The following RSF1 variants were observed in gnomAD, a reference collection of about 807,000 sequenced individuals.
The protein encoded by RSF1 is remodeling and spacing factor 1.
RSF1 carries 13 observed loss-of-function variants against 145.2 expected under a neutral mutation model. The ratio of observed to expected loss-of-function variants is 0.09; its 90% CI spans 0.06 to 0.14. The LOEUF (loss-of-function observed/expected upper bound fraction) is 0.14. Among genes scored for constraint, RSF1 ranks in the 10% least tolerant of loss-of-function variants. RSF1 has a pLI of 1.00. For synonymous variants in RSF1, 577 were observed against 592.6 expected (o/e 0.97, Z 0.38); for missense variants, 1,517 against 1,718.2 (o/e 0.88, Z 2.07).
At chr11:77,743,846 G>A (rs917071317) in intron 3 of RSF1, among the ~76,000 whole-genome samples, 2 of 152,068 alleles carry the variant, frequency 1.3e-5, no homozygotes, top group African/African-American at 4.8e-5. Context: ...TAAGCTGAGG[G>A]GTTGTATTAT....
At chr11:77,714,136 T>C (rs1960751676) in intron 5 of RSF1, among the ~76,000 whole-genome samples, 1 of 152,242 alleles carries the variant, frequency 6.6e-6, no homozygotes, top group South Asian at 2.1e-4. Context: ...CTTCTTTTTG[T>C]TTGTCCTGTT....
At chr11:77,669,929 GGTCA>G (rs1959475849) in intron 15 of RSF1, among the ~76,000 whole-genome samples, 1 of 152,130 alleles carries the variant, frequency 6.6e-6, no homozygotes, top group Non-Finnish European at 1.5e-5. Flanking sequence ...AGGAGTTTAA[GGTCA>G]GCCAGGGCAA....
intron 4 of RSF1, among the ~76,000 whole-genome samples, chr11:77,731,818 C>T (rs1023666474): frequency 1.3e-5 from 2 of 152,250 alleles, no homozygotes; most frequent in Non-Finnish European, 2.9e-5. Flanking sequence ...GCCTAGATTT[C>T]AGAAGATGTA....
intron 2 of RSF1, among the ~76,000 whole-genome samples, chr11:77,755,770 G>A (rs576703251): frequency 2.6e-5 from 4 of 151,910 alleles, no homozygotes; most frequent in Non-Finnish European, 4.4e-5. Flanking sequence ...AGTAGAGATG[G>A]GGTTTCACCA....
chr11:77,688,915 G>T (rs1165735540), intron 9 of RSF1, among the ~76,000 whole-genome samples: 1 of 152,196 alleles, frequency 6.6e-6, no homozygotes, highest in Admixed American at 6.5e-5. Context: ...AAACCTTTAG[G>T]TTCTGGAGGC....
At chr11:77,813,446 C>G (rs1046914820) in intron 1 of RSF1, 5 of 1,210,952 alleles carry the variant, frequency 4.1e-6, no homozygotes, top group Non-Finnish European at 3.6e-6. Context: ...TGGAAAGGAT[C>G]CCACGTCTTA....
At chr11:77,760,731 G>A (rs1948162389) in intron 2 of RSF1, among the ~76,000 whole-genome samples, 1 of 152,108 alleles carries the variant, frequency 6.6e-6, no homozygotes, top group Non-Finnish European at 1.5e-5. Context: ...TTTGTTAACA[G>A]ATGACAATGG....
chr11:77,756,707 T>G (rs1590869787), intron 2 of RSF1, among the ~76,000 whole-genome samples: 1 of 152,210 alleles, frequency 6.6e-6, no homozygotes, highest in East Asian at 1.9e-4. Context: ...AAAGTAATGT[T>G]AACCTCAGGA....
intron 1 of RSF1, among the ~76,000 whole-genome samples, chr11:77,809,279 C>CAGTA (rs1948708840): frequency 6.6e-6 from 1 of 152,148 alleles, no homozygotes; most frequent in African/African-American, 2.4e-5. Flanking sequence ...TCTGGCTCAA[C>CAGTA]AGTAAGCTCT....
chr11:77,813,418 C>T (rs769383048), intron 1 of RSF1: 46 of 1,224,218 alleles, frequency 3.8e-5, no homozygotes, highest in South Asian at 8.4e-5. Context: ...GTCAATGAGT[C>T]GCTTGTGGAT....
the RSF1 span, chr11:77,851,101 C>T: frequency 6.6e-6 from 1 of 152,064 alleles, no homozygotes; most frequent in Non-Finnish European, 1.5e-5. Flanking sequence ...ATTATAGGCA[C>T]ATGCCACCAC....
intron 1 of RSF1, among the ~76,000 whole-genome samples, chr11:77,793,409 A>T (rs1009994912): frequency 6.6e-6 from 1 of 152,190 alleles, no homozygotes; most frequent in African/African-American, 2.4e-5. Flanking sequence ...GCTTAAGTCC[A>T]GGAATTTAAG....
chr11:77,704,466 A>G (rs926914012), intron 5 of RSF1, among the ~76,000 whole-genome samples: 1 of 152,212 alleles, frequency 6.6e-6, no homozygotes, highest in Non-Finnish European at 1.5e-5. Flanking sequence ...TAAGTTTCTC[A>G]GTTTCTTCAG....
At chr11:77,718,833 C>T (rs1960877464) in intron 5 of RSF1, among the ~76,000 whole-genome samples, 1 of 152,176 alleles carries the variant, frequency 6.6e-6, no homozygotes, top group African/African-American at 2.4e-5. Flanking sequence ...TTATGAATAG[C>T]CTGAACAGAC....
intron 1 of RSF1, among the ~76,000 whole-genome samples, chr11:77,789,849 CACT>C: frequency 6.6e-6 from 1 of 152,322 alleles, no homozygotes; most frequent in South Asian, 2.1e-4. Flanking sequence ...CTCAGCCCAC[CACT>C]GTTGGTATGT....
chr11:77,773,531 C>T (rs764547370), intron 1 of RSF1, among the ~76,000 whole-genome samples: 1 of 152,110 alleles, frequency 6.6e-6, no homozygotes, highest in Non-Finnish European at 1.5e-5. Context: ...CTTAACCTTA[C>T]CTGTCAAAAT....
At chr11:77,818,440 C>A (rs1207969248) in intron 1 of RSF1, among the ~76,000 whole-genome samples, 1 of 152,116 alleles carries the variant, frequency 6.6e-6, no homozygotes, top group Admixed American at 6.5e-5. Context: ...CCAAGGCATC[C>A]TAAAAGCAAC....
At position 77,820,652 on chromosome 11, in the gene RSF1, G is replaced by A. The variant is rs1291902959; in HGVS notation, c.63C>T (p.Pro21=). Residue 21 remains proline, a synonymous_variant, in exon 1 of 16, where the codon CCC becomes CCT. Transcript: ENST00000308488. ...MAPPGCPGSC[P]NFAVVCSFLE... ...AGAAGGAGCAGACTACGGCGAAGTT[G>A]GGGCACGAACCCGGGCAGCCCGGAG... 7 of 1,561,334 alleles carry A rather than the reference G, an allele frequency of 4.5e-6. No individual in the cohort carries two copies. The highest frequency in any genetic ancestry group is 6.1e-6 in the Non-Finnish European group (7 of 1,154,204).
chr11:77,792,696 T>G (rs913022677), intron 1 of RSF1, among the ~76,000 whole-genome samples: 4 of 151,498 alleles, frequency 2.6e-5, no homozygotes, highest in Admixed American at 6.6e-5. Context: ...AGCAGAAACT[T>G]TACCGGCCAG....
Sources: gnomAD v4.1 joint callset for allele counts (sites outside exome capture counted in the v4.1 genomes callset) on GRCh38, gnomAD v4.1.1 for gene constraint, MANE v1.5 for transcripts, NCBI Gene and HGNC (gene_info 2026-07-23, HGNC 2026-07-21) for gene names.